PCDHGA4: variants seen among roughly 807,000 people sequenced by gnomAD.
The protein encoded by PCDHGA4 is protocadherin gamma subfamily A, 4.
PCDHGA4 carries 38 observed loss-of-function variants against 54.6 expected under a neutral mutation model. That is an observed-to-expected ratio of 0.70 (90% CI 0.54 to 0.91). The LOEUF (loss-of-function observed/expected upper bound fraction) is 0.91, where lower values mean the gene tolerates loss of function less well. Ranked by LOEUF, PCDHGA4 falls within the 40% of genes least tolerant of loss-of-function variation. PCDHGA4 has a pLI of 0.00. For synonymous variants in PCDHGA4, 511 were observed against 512.9 expected, an observed-to-expected ratio of 1.00 and a Z score of 0.05; for missense variants, 1,298 against 1,220.9, an observed-to-expected ratio of 1.06 and a Z score of -0.94.
intron 1 of PCDHGA4, chr5:141,395,542 TTGTG>T (rs55729045): frequency 0.22 from 37,255 of 170,042 alleles, 4,387 homozygotes; most frequent in East Asian, 0.36. Flanking sequence ...TTGCTATTGT[TTGTG>T]TGTGTGTGTG....
intron 2 of PCDHGA4, among the ~76,000 whole-genome samples, chr5:141,497,621 C>T (rs769483223): frequency 7.3e-5 from 11 of 151,482 alleles, no homozygotes; most frequent in Non-Finnish European, 1.3e-4. Flanking sequence ...CTCACTGCAA[C>T]CTCTGCCTGC....
rs748950800 is a variant in PCDHGA4, at chr5:141,476,983, C to T, written c.2515-17824C>T. ...ACTCCTTCGGCAGCCACAACCGCGC[C>T]GGCGTGCGGCAACTATTCGCCTTAG... On this transcript the variant is annotated intron_variant, in intron 1 of 3. Transcript: ENST00000571252. The surrounding 1 kb of genome is among the most constrained non-coding windows in gnomAD (Gnocchi z 7.6). 12 of 1,614,096 alleles carry T rather than the reference C, an allele frequency of 7.4e-6. No individual in the cohort carries two copies. The highest frequency in any genetic ancestry group is 8.5e-7 in the Non-Finnish European group (1 of 1,180,046).
intron 1 of PCDHGA4, among the ~76,000 whole-genome samples, chr5:141,456,940 G>A (rs1284610928): frequency 6.6e-6 from 1 of 152,138 alleles, no homozygotes; most frequent in Non-Finnish European, 1.5e-5. Context: ...TCCAGCCTGG[G>A]CAACAGAGCA....
chr5:141,486,405 G>A lies in PCDHGA4; in HGVS notation c.2515-8402G>A. 6.2e-7 allele frequency: 1 copy of A among 1,614,114 alleles called. No homozygotes were observed. The highest frequency in any genetic ancestry group is 2.2e-5 in the East Asian group (1 of 44,862). On this transcript the variant is annotated intron_variant, in intron 1 of 3. Transcript: ENST00000571252. The surrounding 1 kb of genome is among the most constrained non-coding windows in gnomAD (Gnocchi z 5.0). ...AACCAGTTCTCCCTGGTGACTGCTG[G>A]ACCCTTGGATCGAGAGGCCAAATCT...
intron 1 of PCDHGA4, chr5:141,372,029 C>A (rs576761049): frequency 2.7e-5 from 43 of 1,613,324 alleles, no homozygotes; most frequent in Non-Finnish European, 3.2e-5. Context: ...TCAGCGCCAA[C>A]GTGAGCCTGC....
At chr5:141,367,851 G>C (rs149342716) in intron 1 of PCDHGA4, 1 of 151,844 alleles carries the variant, frequency 6.6e-6, no homozygotes, top group Admixed American at 6.6e-5. Flanking sequence ...CAATGTTAGC[G>C]TTTCTTTAAG....
At chr5:141,382,872 G>T in intron 1 of PCDHGA4, 1 of 1,522,356 alleles carries the variant, frequency 6.6e-7, no homozygotes, top group Non-Finnish European at 8.8e-7. Flanking sequence ...CCCGAGATCG[G>T]CGCCTAAGCA....
In PCDHGA4 at chr5:141,357,543, C is replaced by G. The variant is rs376070202; in HGVS notation, c.2436C>G (p.Ser812Arg). The change falls in exon 1 of 4, where the codon AGC becomes AGG. Residue 812 changes from serine (S) to arginine (R), a missense_variant. Physicochemically the swap from Ser to Arg is moderately radical, Grantham distance 110 (BLOSUM62 -1). Transcript: ENST00000571252. ...SQPSYADTLI[S>R]RESCEKSEPL... ...CCAGCTATGCAGACACGCTCATCAG[C>G]CGGGAGAGTTGTGAGAAAAGCGAGC... is the stretch of plus-strand genomic sequence containing the variant. 15 of 1,614,066 alleles carry G rather than the reference C, an allele frequency of 9.3e-6. No individual in the cohort carries two copies. In the African/African-American group the frequency reaches 2.0e-4, roughly 22 times the overall value.
At chr5:141,411,134 G>A (rs1050594380) in intron 1 of PCDHGA4, 1 of 152,434 alleles carries the variant, frequency 6.6e-6, no homozygotes, top group Non-Finnish European at 1.5e-5. Context: ...ACAGGCGTGA[G>A]CCACAATATT....
At chr5:141,419,431 G>A in intron 1 of PCDHGA4, 2 of 1,613,306 alleles carry the variant, frequency 1.2e-6, no homozygotes. Context: ...ACCACGAGCA[G>A]CTGCGCACCT....
chr5:141,388,382 A>T, intron 1 of PCDHGA4: 1 of 1,614,018 alleles, frequency 6.2e-7, no homozygotes, highest in Non-Finnish European at 8.5e-7. Flanking sequence ...GTAGCAACAC[A>T]CTGCAGAATT....
At chr5:141,394,913 C>G (rs1284631853) in intron 1 of PCDHGA4, 2 of 1,613,780 alleles carry the variant, frequency 1.2e-6, no homozygotes, top group South Asian at 2.2e-5. Flanking sequence ...TGGCTGCCAT[C>G]TCCTGTGTCT....
At chr5:141,407,976 G>T (rs1392473551) in intron 1 of PCDHGA4, 2 of 742,146 alleles carry the variant, frequency 2.7e-6, no homozygotes, top group South Asian at 2.3e-5. Flanking sequence ...CTGACGCCGG[G>T]GATCCGTCAG....
rs777634460 is a variant in PCDHGA4 at position 141,375,881 on chromosome 5, C to T, written c.2514+18260C>T. 4 of 1,613,818 alleles carry T rather than the reference C, an allele frequency of 2.5e-6. No individual in the cohort carries two copies. The South Asian group carries it at 4.4e-5, about 18-fold the overall frequency. ...GGTGGCGGTGGACAGAGACTCGGGC[C>T]AGAACGCCTGGCTGTCCTACCGCCT... On this transcript the variant is annotated intron_variant, in intron 1 of 3. Coordinates refer to ENST00000571252, the MANE Select transcript of PCDHGA4 (RefSeq NM_018917.4).
intron 1 of PCDHGA4, among the ~76,000 whole-genome samples, chr5:141,459,376 G>A (rs72790056): frequency 0.022 from 3,347 of 152,266 alleles, 53 homozygotes; most frequent in South Asian, 0.04. Flanking sequence ...TATCAGCAGC[G>A]TGTTCCATTT....
chr5:141,412,415 T>C (rs897201034), intron 1 of PCDHGA4: 5 of 152,248 alleles, frequency 3.3e-5, no homozygotes, highest in Non-Finnish European at 4.4e-5. Context: ...AGATAAAGTA[T>C]GTTTTACACA....
intron 1 of PCDHGA4, chr5:141,361,206 G>A (rs781055264): frequency 6.2e-7 from 1 of 1,613,902 alleles, no homozygotes; most frequent in Non-Finnish European, 8.5e-7. Context: ...CTCCCCTACC[G>A]GAGGATTCGC....
chr5:141,450,555 C>T (rs958577638), intron 1 of PCDHGA4, among the ~76,000 whole-genome samples: 4 of 151,710 alleles, frequency 2.6e-5, no homozygotes, highest in East Asian at 1.9e-4. Flanking sequence ...GGCGCAGTCT[C>T]GGCTCACTGC....
rs765972156 is a variant in PCDHGA4, at chr5:141,432,960, G to A, written c.2515-61847G>A. 3.1e-6 allele frequency: 5 copies of A among 1,614,070 alleles called. No individual in the cohort carries two copies. The East Asian group carries it at 6.7e-5, about 22-fold the overall frequency. On this transcript the variant is annotated intron_variant, in intron 1 of 3. Transcript: ENST00000571252. This position sits in a 1 kb window ranked among gnomAD's most constrained non-coding sequence, Gnocchi z 6.0. ...CAGGCTTCAGGAGGCGGCTTGACAG[G>A]AGCGCCGGCGTCGCACTTTGTGGGC...
Sources: allele counts gnomAD v4.1 joint callset (sites outside exome capture counted in the v4.1 genomes callset), GRCh38; gene constraint gnomAD v4.1.1; non-coding constraint Gnocchi (gnomAD v3.1); transcripts MANE v1.5; gene names NCBI Gene and HGNC (gene_info 2026-07-23, HGNC 2026-07-21).